PAPPA2: variants seen among roughly 807,000 people sequenced by gnomAD.
The protein encoded by PAPPA2 is pappalysin 2.
In PAPPA2, 86 loss-of-function variants were observed where a neutral mutation model predicts 176.4. The observed-to-expected ratio is 0.49, with a 90% CI of 0.41 to 0.58. The LOEUF (loss-of-function observed/expected upper bound fraction) is 0.58. PAPPA2 is among the 20% of genes least tolerant of loss of function. The probability of loss-of-function intolerance (pLI) is 0.00; values close to 1 mark genes in which losing one functional copy is unlikely to be tolerated. For missense variants in PAPPA2, 2,073 were observed against 2,256.9 expected, an observed-to-expected ratio of 0.92 and a Z score of 1.65; for synonymous variants, 809 against 852.2, an observed-to-expected ratio of 0.95 and a Z score of 0.88.
chr1:176,693,972 G>A (rs765797669), intron 6 of PAPPA2, among the ~76,000 whole-genome samples: 2 of 152,324 alleles, frequency 1.3e-5, no homozygotes, highest in Non-Finnish European at 2.9e-5. Context: ...CAGTACGGGC[G>A]TGCTGAGAGT....
chr1:176,802,340 T>C (rs954602094), intron 21 of PAPPA2, among the ~76,000 whole-genome samples: 1 of 151,444 alleles, frequency 6.6e-6, no homozygotes. Context: ...TCTGAAGAAA[T>C]AAGTAATAAA....
intron 12 of PAPPA2, among the ~76,000 whole-genome samples, chr1:176,728,078 T>A (rs193109286): frequency 2.3e-3 from 357 of 152,028 alleles, no homozygotes; most frequent in African/African-American, 8.1e-3. Flanking sequence ...AATCAGAGTT[T>A]CTACCTTAAA....
intron 1 of PAPPA2, among the ~76,000 whole-genome samples, chr1:176,521,856 T>C (rs904824177): frequency 1.3e-5 from 2 of 152,030 alleles, no homozygotes; most frequent in African/African-American, 4.8e-5. Context: ...AGACTGAAGG[T>C]GAGATTTAGA....
intron 1 of PAPPA2, among the ~76,000 whole-genome samples, chr1:176,532,462 G>A (rs1649865965): frequency 2.6e-5 from 4 of 152,192 alleles, no homozygotes; most frequent in Non-Finnish European, 5.9e-5. Context: ...AAAGCAGATG[G>A]ACAAGAGATA....
chr1:176,760,205 G>A (rs1378787186), intron 14 of PAPPA2, among the ~76,000 whole-genome samples: 1 of 152,126 alleles, frequency 6.6e-6, no homozygotes, highest in Non-Finnish European at 1.5e-5. Flanking sequence ...AGTAACACAT[G>A]ATTTAATTGT....
chr1:176,770,971 G>A lies in PAPPA2; in HGVS notation c.4506G>A (p.Leu1502=), dbSNP rs1664197765. The part of the protein sequence containing the change: ...SCVPPAKLQG[L]SPWLTCLEDG... ...GCTTCTCTTTCCTGGAGTCAGGACT[G>A]AGCCCATGGCTGACATGTCTTGAAG... The change falls in exon 17 of 23, where the codon CTG becomes CTA. Residue 1502 remains leucine, a synonymous_variant. Coordinates refer to ENST00000367662, the MANE Select transcript of PAPPA2 (RefSeq NM_020318.3). The A allele has an allele frequency of 1.2e-6, 2 of 1,613,794 alleles. No individual in the cohort carries two copies. Among genetic ancestry groups the A allele is most frequent in the South Asian group, 1.1e-5 (1 of 91,064 alleles).
chr1:176,610,082 T>A (rs983321080), intron 3 of PAPPA2, among the ~76,000 whole-genome samples: 4 of 152,142 alleles, frequency 2.6e-5, no homozygotes, highest in Non-Finnish European at 5.9e-5. Context: ...ATCTGTACCC[T>A]ATCTCCCCTC....
intron 1 of PAPPA2, among the ~76,000 whole-genome samples, chr1:176,492,432 ATAGT>A (rs1481919973): frequency 1.3e-5 from 2 of 152,210 alleles, no homozygotes; most frequent in African/African-American, 4.8e-5. Flanking sequence ...CTCAAGTCAT[ATAGT>A]TAGTCAGTGG....
intron 3 of PAPPA2, among the ~76,000 whole-genome samples, chr1:176,647,866 C>A (rs1657500570): frequency 6.6e-6 from 1 of 151,466 alleles, no homozygotes; most frequent in African/African-American, 2.4e-5. Flanking sequence ...ATTTTGAAAT[C>A]AGGTATTTTG....
chr1:176,575,920 A>G (rs910691043), intron 2 of PAPPA2, among the ~76,000 whole-genome samples: 1 of 152,186 alleles, frequency 6.6e-6, no homozygotes, highest in African/African-American at 2.4e-5. Context: ...GTTTTCTAAT[A>G]AGTAGGCTGT....
intron 8 of PAPPA2, among the ~76,000 whole-genome samples, chr1:176,700,028 C>T (rs1660576695): frequency 6.6e-6 from 1 of 152,194 alleles, no homozygotes; most frequent in Admixed American, 6.5e-5. Context: ...CCAGACGATA[C>T]ACTCAGTTCC....
intron 2 of PAPPA2, among the ~76,000 whole-genome samples, chr1:176,593,493 T>C (rs980780258): frequency 2.6e-5 from 4 of 152,232 alleles, no homozygotes; most frequent in African/African-American, 9.6e-5. Flanking sequence ...AAGCTATTCC[T>C]GAGAGACTAT....
At chr1:176,790,855 C>CA (rs1318999502) in intron 18 of PAPPA2, among the ~76,000 whole-genome samples, 2 of 152,124 alleles carry the variant, frequency 1.3e-5, no homozygotes, top group Non-Finnish European at 2.9e-5. Context: ...TTGGTGAGAC[C>CA]AAAAACAACT....
rs768270674 is a variant in PAPPA2, at chr1:176,765,831, C to T, written c.4317C>T (p.Pro1439=). 9.3e-6 allele frequency: 15 copies of T among 1,613,608 alleles called. No homozygotes were observed. Among genetic ancestry groups the T allele is most frequent in the Non-Finnish European group, 1.2e-5 (14 of 1,179,856 alleles). Residue 1439 remains proline, a synonymous_variant, in exon 15 of 23, where the codon CCC becomes CCT. Transcript: ENST00000367662. The stretch of plus-strand genomic sequence containing the variant: ...CCAGCAGTGGGCAGTACATCAGGCC[C>T]ATGCAGGTGAGTTGAAAGAACACTA... ...LQASSGQYIR[P]MQKEILLTCS... is the part of the protein sequence containing the mutation.
chr1:176,593,559 G>A (rs1320769355), intron 2 of PAPPA2, among the ~76,000 whole-genome samples: 2 of 152,174 alleles, frequency 1.3e-5, no homozygotes, highest in Non-Finnish European at 2.9e-5. Context: ...TGGGTTACTA[G>A]GAACATTTAA....
intron 1 of PAPPA2, among the ~76,000 whole-genome samples, chr1:176,480,831 A>G (rs1652359528): frequency 6.6e-6 from 1 of 151,968 alleles, no homozygotes; most frequent in African/African-American, 2.4e-5. Flanking sequence ...CATACCTGGA[A>G]TCATAGACCA....
intron 3 of PAPPA2, among the ~76,000 whole-genome samples, chr1:176,625,227 A>C (rs1176500299): frequency 6.6e-6 from 1 of 152,152 alleles, no homozygotes; most frequent in Non-Finnish European, 1.5e-5. Context: ...GCTCCTGTTC[A>C]GATAGTTAAC....
At chr1:176,576,495 GTGTT>G (rs1248326809) in intron 2 of PAPPA2, among the ~76,000 whole-genome samples, 2 of 123,748 alleles carry the variant, frequency 1.6e-5, no homozygotes, top group African/African-American at 3.1e-5. Flanking sequence ...GTGTGTGTGT[GTGTT>G]TGTGTGTGTC....
At chr1:176,730,328 TC>T (rs1662078155) in intron 12 of PAPPA2, among the ~76,000 whole-genome samples, 1 of 151,962 alleles carries the variant, frequency 6.6e-6, no homozygotes, top group South Asian at 2.1e-4. Context: ...TTCTATTTTT[TC>T]CAATTTTGAA....
Sources: gnomAD v4.1 joint callset for allele counts (sites outside exome capture counted in the v4.1 genomes callset) on GRCh38, gnomAD v4.1.1 for gene constraint, MANE v1.5 for transcripts, NCBI Gene and HGNC (gene_info 2026-07-23, HGNC 2026-07-21) for gene names.